Variants in ZSCAN1 observed in about 807,000 individuals in gnomAD.
ZSCAN1 encodes zinc finger and SCAN domain-containing protein 1.
A neutral mutation model predicts 23.8 loss-of-function variants in ZSCAN1; 23 were observed. The observed-to-expected ratio is 0.97, with a 90% CI of 0.70 to 1.37. The LOEUF (loss-of-function observed/expected upper bound fraction) is 1.37. Ranked by LOEUF, ZSCAN1 falls within the 40% of genes most tolerant of loss-of-function variation. ZSCAN1 has a pLI of 0.00. For synonymous variants in ZSCAN1, 236 were observed against 232.3 expected (o/e 1.02, Z -0.15); for missense variants, 575 against 554.0 (o/e 1.04, Z -0.38).
Position 58,053,665 on chromosome 19 carries a change from G to A in ZSCAN1, c.841G>A (p.Val281Ile). 1 of 1,614,220 alleles carries A rather than the reference G, an allele frequency of 6.2e-7. No individual in the cohort carries two copies. Among genetic ancestry groups the A allele is most frequent in the Admixed American group, 1.7e-5 (1 of 60,032 alleles). Residue 281 changes from valine (V) to isoleucine (I), a missense_variant, in exon 6 of 6, where the codon GTA (valine) becomes ATA (isoleucine). Coordinates refer to ENST00000282326, the MANE Select transcript of ZSCAN1 (RefSeq NM_182572.4). This position sits in a 1 kb window ranked among gnomAD's most constrained non-coding sequence, Gnocchi z 5.8. ...GTQEAVAGIS[V>I]VPRGPRGGRP... ...CCAAGAGGCTGTTGCAGGCATCTCG[G>A]TAGTGCCGCGTGGGCCCCGAGGTGG... is the stretch of plus-strand genomic sequence containing the variant.
chr19:58,050,669 C>T (rs868736118), intron 4 of ZSCAN1, among the ~76,000 whole-genome samples: 10 of 151,912 alleles, frequency 6.6e-5, no homozygotes, highest in Non-Finnish European at 7.4e-5. Context: ...TACAGGTGCA[C>T]GCCACCACAC....
chr19:58,040,999 G>T lies in ZSCAN1; in HGVS notation c.465+455G>T, dbSNP rs754579866. ...CAAGGCGACGGGAGGGGCCCGGCTC[G>T]GTTGGGAGCCAAGCGGATCTCTGTG... On this transcript the variant is annotated intron_variant, in intron 4 of 5. Coordinates refer to ENST00000282326, the MANE Select transcript of ZSCAN1 (RefSeq NM_182572.4). The surrounding 1 kb of genome is among the most constrained non-coding windows in gnomAD (Gnocchi z 5.8). 1.4e-4 allele frequency among the ~76,000 whole-genome samples: 22 copies of T among 152,222 alleles called. No individual in the cohort carries two copies. Among genetic ancestry groups the T allele is most frequent in the Non-Finnish European group, 2.8e-4 (19 of 68,036 alleles).
intron 4 of ZSCAN1, among the ~76,000 whole-genome samples, chr19:58,044,393 C>T (rs1454349277): frequency 6.6e-6 from 1 of 152,082 alleles, no homozygotes; most frequent in Non-Finnish European, 1.5e-5. Context: ...TTTAAAGAAG[C>T]GGAAGAAGGA....
downstream of ZSCAN1, among the ~76,000 whole-genome samples, chr19:58,055,100 C>A (rs1421506827): frequency 6.6e-6 from 1 of 152,170 alleles, no homozygotes; most frequent in African/African-American, 2.4e-5. Flanking sequence ...TTGCCTTTTT[C>A]TTTTTCTCCT....
intron 3 of ZSCAN1, among the ~76,000 whole-genome samples, chr19:58,038,758 C>A (rs899715233): frequency 1.3e-5 from 2 of 152,270 alleles, no homozygotes; most frequent in Admixed American, 6.5e-5. Flanking sequence ...TGTGACCCCA[C>A]GTCGAGATTC....
chr19:58,034,522 C>T (rs1272741265), intron 1 of ZSCAN1, among the ~76,000 whole-genome samples: 1 of 151,960 alleles, frequency 6.6e-6, no homozygotes. Flanking sequence ...AAACACCGCT[C>T]GGCCGCGTCC....
intron 2 of ZSCAN1, among the ~76,000 whole-genome samples, chr19:58,037,013 C>T (rs893063428): frequency 6.6e-6 from 1 of 152,088 alleles, no homozygotes; most frequent in Non-Finnish European, 1.5e-5. Context: ...TTACTCTTCC[C>T]ACTTTCCCTC....
At position 58,053,434 on chromosome 19, in the gene ZSCAN1, C is replaced by T. The variant is rs774632461; in HGVS notation, c.610C>T (p.Arg204Trp). ...ATCTCCCTCGCCCTCCACAGGGTCCCGGGCCCGCTTGCCTCTGAAGCCGAG... is the reference window on the plus strand; with the variant it reads ...ATCTCCCTCGCCCTCCACAGGGTCCTGGGCCCGCTTGCCTCTGAAGCCGAG... The part of the protein sequence containing the change: ...APRAPGLLGS[R>W]ARLPLKPSIW... Residue 204 changes from arginine to tryptophan, a missense_variant, in exon 6 of 6, where the codon CGG becomes TGG. Transcript: ENST00000282326. This position sits in a 1 kb window ranked among gnomAD's most constrained non-coding sequence, Gnocchi z 5.8. 4.0e-5 allele frequency: 65 copies of T among 1,608,990 alleles called. No homozygotes were observed. Among genetic ancestry groups the T allele is most frequent in the Admixed American group, 1.8e-4 (11 of 59,870 alleles).
In ZSCAN1 at chr19:58,037,874, G is replaced by GCCCCCAGACA; in HGVS notation, c.47_48insACCCCCAGAC (p.Thr18ProfsTer7). ...CCCAAAGCCCCTGCCTCCCCCAGACGCCCCCAGACCCCAACCCCGAGTGAG... is the reference window on the plus strand; with the variant it reads ...CCCAAAGCCCCTGCCTCCCCCAGACGCCCCCAGACACCCCCAGACCCCAACCCCGAGTGAG... On this transcript the variant is annotated frameshift_variant, in exon 3 of 6. Coordinates refer to ENST00000282326, the MANE Select transcript of ZSCAN1 (RefSeq NM_182572.4). LOFTEE classifies it high-confidence loss of function. 8.5e-7 allele frequency: 1 copy of GCCCCCAGACA among 1,175,040 alleles called. No individual in the cohort carries two copies. 72.8% of individuals were successfully genotyped at this position (1,175,040 alleles called of 1,614,324 possible). A position where few individuals can be genotyped will look rare whatever the true frequency, so the allele number is the denominator to read the frequency against.
chr19:58,038,671 A>G lies in ZSCAN1; in HGVS notation c.370+465A>G, dbSNP rs199600298. Reference sequence around the variant, plus strand: ...TGGGAGCTGGGAAATTTGGGGTTGAAACTGGGCTCCCTCCCTGTCTCCTCT... The same window carrying G: ...TGGGAGCTGGGAAATTTGGGGTTGAGACTGGGCTCCCTCCCTGTCTCCTCT... On this transcript the variant is annotated intron_variant, in intron 3 of 5. Coordinates refer to ENST00000282326, the MANE Select transcript of ZSCAN1 (RefSeq NM_182572.4). Among the ~76,000 whole-genome samples, 10 of 152,262 alleles carry G rather than the reference A, an allele frequency of 6.6e-5. No homozygotes were observed. In the East Asian group the frequency reaches 1.9e-3, roughly 29 times the overall value.
At chr19:58,042,277 T>A (rs79756718) in intron 4 of ZSCAN1, among the ~76,000 whole-genome samples, 2 of 151,684 alleles carry the variant, frequency 1.3e-5, no homozygotes, top group Admixed American at 6.6e-5. Flanking sequence ...TTTTTTTTTT[T>A]AATGGAGTCT....
chr19:58,047,742 A>G lies in ZSCAN1; in HGVS notation c.466-4748A>G, dbSNP rs139705973. Among the ~76,000 whole-genome samples, 1 of 152,268 alleles carries G rather than the reference A, an allele frequency of 6.6e-6. No individual in the cohort carries two copies. Among genetic ancestry groups the G allele is most frequent in the East Asian group, 1.9e-4 (1 of 5,176 alleles). ...GCTCAGGCCCCTGGGGTCCTTTAAC[A>G]AGCAGGCTGGTCACCGAGGCACGAA... On this transcript the variant is annotated intron_variant, in intron 4 of 5. Coordinates refer to ENST00000282326, the MANE Select transcript of ZSCAN1 (RefSeq NM_182572.4). This position sits in a 1 kb window ranked among gnomAD's most constrained non-coding sequence, Gnocchi z 4.9.
Position 58,054,156 on chromosome 19 carries a change from C to T in ZSCAN1, c.*105C>T. 1.5e-6 allele frequency: 2 copies of T among 1,369,482 alleles called. No homozygotes were observed. Among genetic ancestry groups the T allele is most frequent in the Non-Finnish European group, 9.6e-7 (1 of 1,042,112 alleles). 84.8% of individuals were successfully genotyped at this position (1,369,482 alleles called of 1,614,324 possible). Reference sequence around the variant, plus strand: ...CCCAGCCCCACCAACCCCTGGCCACCTTGGGACTCCTCTTGAAGGACACAA... The same window carrying T: ...CCCAGCCCCACCAACCCCTGGCCACTTTGGGACTCCTCTTGAAGGACACAA... On this transcript the variant is annotated 3_prime_UTR_variant, in exon 6 of 6. Coordinates refer to ENST00000282326, the MANE Select transcript of ZSCAN1 (RefSeq NM_182572.4). The surrounding 1 kb of genome is among the most constrained non-coding windows in gnomAD (Gnocchi z 4.2).
chr19:58,055,018 C>T (rs1193022601), downstream of ZSCAN1, among the ~76,000 whole-genome samples: 3 of 152,200 alleles, frequency 2.0e-5, no homozygotes, highest in Non-Finnish European at 4.4e-5. Flanking sequence ...GCCTCGGACT[C>T]GGCTTCTCAC....
Position 58,047,534 on chromosome 19 carries a change from C to T in ZSCAN1, c.466-4956C>T, listed in dbSNP as rs1318345609. On this transcript the variant is annotated intron_variant, in intron 4 of 5. Transcript: ENST00000282326. This position sits in a 1 kb window ranked among gnomAD's most constrained non-coding sequence, Gnocchi z 4.9. ...TGACGTAGCCCTAGCCATGGGACTCCCTTGGGTGGTGCTTGGGCTGCGCGC... is the reference window on the plus strand; with the variant it reads ...TGACGTAGCCCTAGCCATGGGACTCTCTTGGGTGGTGCTTGGGCTGCGCGC... Among the ~76,000 whole-genome samples the T allele has an allele frequency of 6.6e-6, 1 of 152,238 alleles. No individual in the cohort carries two copies. The highest frequency in any genetic ancestry group is 2.4e-5 in the African/African-American group (1 of 41,462).
At chr19:58,036,389 TAAAGAC>T (rs1430101579) in intron 2 of ZSCAN1, among the ~76,000 whole-genome samples, 3 of 152,218 alleles carry the variant, frequency 2.0e-5, no homozygotes, top group Non-Finnish European at 4.4e-5. Context: ...GTACAATTGT[TAAAGAC>T]AAACAAACGA....
chr19:58,055,872 CAGTT>C (rs147347111), downstream of ZSCAN1, among the ~76,000 whole-genome samples: 22,766 of 152,140 alleles, frequency 0.15, 2,182 homozygotes, highest in South Asian at 0.23. Context: ...TGGTGTCCCT[CAGTT>C]CTCCAATTGA....
intron 4 of ZSCAN1, among the ~76,000 whole-genome samples, chr19:58,041,304 G>A (rs1040326200): frequency 1.3e-5 from 2 of 152,222 alleles, no homozygotes; most frequent in Non-Finnish European, 2.9e-5. Flanking sequence ...CTGTCAGGCC[G>A]GGGCCAGCAG....
intron 3 of ZSCAN1, among the ~76,000 whole-genome samples, chr19:58,039,918 A>AGG (rs960942153): frequency 1.3e-5 from 2 of 151,136 alleles, no homozygotes; most frequent in African/African-American, 4.9e-5. Flanking sequence ...AAAAATAAAT[A>AGG]GGGGGGGGTC....
Sources: allele counts gnomAD v4.1 joint callset (sites outside exome capture counted in the v4.1 genomes callset), GRCh38; gene constraint gnomAD v4.1.1; non-coding constraint Gnocchi (gnomAD v3.1); transcripts MANE v1.5; gene names NCBI Gene and HGNC (gene_info 2026-07-23, HGNC 2026-07-21).